Variants in PXDNL observed in about 807,000 individuals in gnomAD.
PXDNL encodes probable oxidoreductase PXDNL.
Under a neutral mutation model 150.8 loss-of-function variants are expected in PXDNL, and 145 were observed. That is an observed-to-expected ratio of 0.96 (90% CI 0.84 to 1.10). The LOEUF is 1.10. PXDNL is among the 50% of genes least tolerant of loss of function. The pLI is 0.00. For missense variants in PXDNL, 2,087 were observed against 1,873.9 expected, an observed-to-expected ratio of 1.11 and a Z score of -2.10; for synonymous variants, 757 against 725.7, an observed-to-expected ratio of 1.04 and a Z score of -0.69.
chr8:51,328,642 A>G (rs1185223890), intron 21 of PXDNL, among the ~76,000 whole-genome samples: 1 of 152,228 alleles, frequency 6.6e-6, no homozygotes, highest in East Asian at 1.9e-4. Context: ...ACTAAAATGC[A>G]AAGAGAAAAC....
At position 51,371,995 on chromosome 8, in the gene PXDNL, T is replaced by A; in HGVS notation, c.3779A>T (p.Asn1260Ile). ...QASLSRVLCD[N>I]GDSIQQVQAD... ...CTGCACTTGCTGAATGCTGTCACCATTGTCACAAAGCACCCGGCTCAGGGA... is the reference window on the plus strand; with the variant it reads ...CTGCACTTGCTGAATGCTGTCACCAATGTCACAAAGCACCCGGCTCAGGGA... Residue 1260 changes from asparagine (N) to isoleucine (I), a missense_variant, in exon 19 of 23, where the codon AAT becomes ATT. By Grantham distance (149) the Asn-to-Ile change is moderately radical (BLOSUM62 -3). Transcript: ENST00000356297. The A allele has an allele frequency of 6.2e-7, 1 of 1,613,668 alleles. No individual in the cohort carries two copies.
intron 1 of PXDNL, among the ~76,000 whole-genome samples, chr8:51,740,930 T>C (rs564833056): frequency 6.6e-6 from 1 of 152,332 alleles, no homozygotes; most frequent in South Asian, 2.1e-4. Context: ...CCTTCTTTTG[T>C]TGTATCTCCT....
chr8:51,325,635 T>A (rs1199141241), intron 21 of PXDNL, among the ~76,000 whole-genome samples: 1 of 152,168 alleles, frequency 6.6e-6, no homozygotes, highest in Admixed American at 6.5e-5. Context: ...CTAGGCCTTC[T>A]CTGCAACCAC....
At chr8:51,492,266 G>T (rs930958046) in intron 5 of PXDNL, among the ~76,000 whole-genome samples, 2 of 152,194 alleles carry the variant, frequency 1.3e-5, no homozygotes, top group African/African-American at 4.8e-5. Flanking sequence ...GAGAGAAATA[G>T]CATATCATCA....
In PXDNL at chr8:51,714,240, T is replaced by G. The variant is rs116375395; in HGVS notation, c.165-59480A>C. On this transcript the variant is annotated intron_variant, in intron 1 of 22. Coordinates refer to ENST00000356297, the MANE Select transcript of PXDNL (RefSeq NM_144651.5). ...ATGCCCATATTTTGTGCACCCAGAT[T>G]CTCTCTTTTGCCACATGGAAGGATG... 5.0e-3 allele frequency among the ~76,000 whole-genome samples: 761 copies of G among 152,316 alleles called. 3 individuals are homozygous for G. The highest frequency in any genetic ancestry group is 0.017 in the African/African-American group (714 of 41,558).
intron 8 of PXDNL, among the ~76,000 whole-genome samples, chr8:51,471,557 T>C (rs573489396): frequency 6.6e-6 from 1 of 152,358 alleles, no homozygotes; most frequent in African/African-American, 2.4e-5. Flanking sequence ...TAGATGTGGC[T>C]ACATCAAATT....
At chr8:51,709,412 G>A (rs1377680089) in intron 1 of PXDNL, among the ~76,000 whole-genome samples, 1 of 151,774 alleles carries the variant, frequency 6.6e-6, no homozygotes, top group Non-Finnish European at 1.5e-5. Flanking sequence ...CGGCCACCAC[G>A]CCCGGCTAAT....
chr8:51,717,690 G>T (rs1003768602), intron 1 of PXDNL, among the ~76,000 whole-genome samples: 1 of 152,222 alleles, frequency 6.6e-6, no homozygotes, highest in African/African-American at 2.4e-5. Context: ...CAGAGGAGGG[G>T]CTCAGGGAAA....
intron 17 of PXDNL, among the ~76,000 whole-genome samples, chr8:51,380,341 C>T (rs997043126): frequency 1.3e-5 from 2 of 152,170 alleles, no homozygotes; most frequent in African/African-American, 2.4e-5. Context: ...TTAAAATCAG[C>T]TGTTGATGCC....
intron 1 of PXDNL, among the ~76,000 whole-genome samples, chr8:51,745,092 A>G (rs1355768857): frequency 1.3e-5 from 2 of 152,154 alleles, no homozygotes; most frequent in Non-Finnish European, 2.9e-5. Flanking sequence ...TAATTTTAAG[A>G]TGGATGTTTA....
chr8:51,743,684 T>C (rs202188801), intron 1 of PXDNL, among the ~76,000 whole-genome samples: 2 of 151,928 alleles, frequency 1.3e-5, no homozygotes, highest in African/African-American at 4.8e-5. Flanking sequence ...GCCCGGGCAA[T>C]TTTTGTATTT....
At position 51,319,877 on chromosome 8, in the gene PXDNL, G is replaced by A; in HGVS notation, c.*14C>T. 3 of 1,498,708 alleles carry A rather than the reference G, an allele frequency of 2.0e-6. No homozygotes were observed. Among genetic ancestry groups the A allele is most frequent in the Non-Finnish European group, 8.9e-7 (1 of 1,123,706 alleles). The allele number at this position is 1,498,708 out of a possible 1,614,324, so 92.8% of individuals were successfully genotyped here. A position where few individuals can be genotyped will look rare whatever the true frequency, so the allele number is the denominator to read the frequency against. ...GAAATTTCCCATTTGGGGCTCAACA[G>A]CACAAAACTTTTATTAGCGCTTCTC... On this transcript the variant is annotated 3_prime_UTR_variant, in exon 23 of 23. Transcript: ENST00000356297.
intron 17 of PXDNL, among the ~76,000 whole-genome samples, chr8:51,377,046 T>TA (rs1807340973): frequency 1.3e-5 from 2 of 151,620 alleles, no homozygotes; most frequent in Non-Finnish European, 2.9e-5. Context: ...AGAGCATCCT[T>TA]AATTTCATTT....
intron 3 of PXDNL, among the ~76,000 whole-genome samples, chr8:51,569,458 A>G (rs1299355949): frequency 6.6e-6 from 1 of 151,982 alleles, no homozygotes; most frequent in East Asian, 1.9e-4. Context: ...TATGATGAAC[A>G]TACAGAGATA....
At position 51,408,583 on chromosome 8, in the gene PXDNL, T is replaced by C. The variant is rs1586080984; in HGVS notation, c.3041A>G (p.Tyr1014Cys). 2.5e-6 allele frequency: 4 copies of C among 1,612,662 alleles called. No individual in the cohort carries two copies. Among genetic ancestry groups the C allele is most frequent in the South Asian group, 1.1e-5 (1 of 90,796 alleles). ...IVGAELQHITYSHWLPKVLGD... is the reference protein window; with the variant it reads ...IVGAELQHITCSHWLPKVLGD... ...CAGGACCTTAGGCAGCCAGTGGCTG[T>C]AGGTGATGTGCTGCAGCTCCGCGCC... The change falls in exon 17 of 23, where the codon TAC becomes TGC. Residue 1014 changes from tyrosine (Y) to cysteine (C), a missense_variant. Tyr to Cys is a radical substitution (Grantham distance 194, BLOSUM62 -2). Coordinates refer to ENST00000356297, the MANE Select transcript of PXDNL (RefSeq NM_144651.5).
intron 2 of PXDNL, among the ~76,000 whole-genome samples, chr8:51,652,446 C>G (rs916074357): frequency 2.0e-5 from 3 of 150,946 alleles, no homozygotes; most frequent in African/African-American, 7.3e-5. Context: ...CTCTCACACA[C>G]ACACACACAC....
intron 5 of PXDNL, among the ~76,000 whole-genome samples, chr8:51,489,053 T>C (rs1036049066): frequency 6.6e-6 from 1 of 152,070 alleles, no homozygotes; most frequent in African/African-American, 2.4e-5. Flanking sequence ...AAAAAGTAAG[T>C]AAAACATACC....
chr8:51,462,417 A>G (rs952325927), intron 8 of PXDNL, among the ~76,000 whole-genome samples: 1 of 152,218 alleles, frequency 6.6e-6, no homozygotes, highest in Non-Finnish European at 1.5e-5. Context: ...ATGACTCAAT[A>G]GTTGAAAGAT....
chr8:51,673,564 A>G (rs1408851220), intron 1 of PXDNL, among the ~76,000 whole-genome samples: 1 of 152,228 alleles, frequency 6.6e-6, no homozygotes, highest in Non-Finnish European at 1.5e-5. Flanking sequence ...CAGGAAAATG[A>G]ATGACCTTGA....
Sources: gnomAD v4.1 joint callset for allele counts (sites outside exome capture counted in the v4.1 genomes callset) on GRCh38, gnomAD v4.1.1 for gene constraint, MANE v1.5 for transcripts, NCBI Gene and HGNC (gene_info 2026-07-23, HGNC 2026-07-21) for gene names.